Variants in PTPRT observed in about 807,000 individuals in gnomAD.
The protein encoded by PTPRT is receptor-type tyrosine-protein phosphatase T.
Under a neutral mutation model 176.8 loss-of-function variants are expected in PTPRT, and 56 were observed. The observed-to-expected ratio is 0.32, with a 90% CI of 0.26 to 0.40. The LOEUF is 0.40. Ranked by LOEUF, PTPRT falls within the 10% of genes least tolerant of loss-of-function variation. The pLI, the probability that PTPRT is intolerant of heterozygous loss-of-function variation, is 1.00. For missense variants in PTPRT, 1,540 were observed against 1,908.2 expected, an observed-to-expected ratio of 0.81 and a Z score of 3.60; for synonymous variants, 783 against 739.0, an observed-to-expected ratio of 1.06 and a Z score of -0.96.
chr20:42,401,278 C>T (rs1299686007), intron 9 of PTPRT, among the ~76,000 whole-genome samples: 1 of 152,100 alleles, frequency 6.6e-6, no homozygotes, highest in Non-Finnish European at 1.5e-5. Flanking sequence ...TCTCCACCAT[C>T]TCTTCTGAAT....
chr20:42,857,911 C>T (rs560635005), intron 2 of PTPRT, among the ~76,000 whole-genome samples: 1 of 152,084 alleles, frequency 6.6e-6, no homozygotes, highest in African/African-American at 2.4e-5. Flanking sequence ...GGAATGACAC[C>T]TGCCCCCTTT....
At chr20:42,055,037 GTAAC>G in the PTPRT span, among the ~76,000 whole-genome samples, 2 of 152,170 alleles carry the variant, frequency 1.3e-5, no homozygotes, top group Non-Finnish European at 2.9e-5. Context: ...GTATACATAT[GTAAC>G]TAACCTGCAC....
Position 42,315,756 on chromosome 20 carries a change from G to A in PTPRT, c.2106C>T (p.Ser702=), listed in dbSNP as rs758686657. 9 of 1,613,988 alleles carry A rather than the reference G, an allele frequency of 5.6e-6. No individual in the cohort carries two copies. Among genetic ancestry groups the A allele is most frequent in the Non-Finnish European group, 5.9e-6 (7 of 1,179,978 alleles). ...NPPLSPLKSY[S]IYFQALSKAN... ...CTTTGCTGAGTGCCTGGAAGTAGAT[G>A]CTGTAGCTTTTCAGGGGAGAGAGAG... Residue 702 remains serine (S), a synonymous_variant, in exon 12 of 31, where the codon AGC becomes AGT. Coordinates refer to ENST00000373187, the MANE Select transcript of PTPRT (RefSeq NM_007050.6).
At chr20:42,580,363 C>G (rs1422251603) in intron 7 of PTPRT, among the ~76,000 whole-genome samples, 5 of 151,962 alleles carry the variant, frequency 3.3e-5, no homozygotes, top group East Asian at 1.9e-4. Flanking sequence ...GTTCTTTTGG[C>G]TTAGGATTGA....
intron 9 of PTPRT, among the ~76,000 whole-genome samples, chr20:42,365,522 C>G (rs1001604332): frequency 6.6e-6 from 1 of 151,870 alleles, no homozygotes; most frequent in East Asian, 1.9e-4. Flanking sequence ...CTCTTGGGGT[C>G]GATGGCACCC....
At chr20:42,627,081 C>T (rs1010442986) in intron 7 of PTPRT, among the ~76,000 whole-genome samples, 1 of 152,158 alleles carries the variant, frequency 6.6e-6, no homozygotes, top group Admixed American at 6.5e-5. Context: ...GAAAGCAATG[C>T]CCGGGATGAC....
intron 7 of PTPRT, among the ~76,000 whole-genome samples, chr20:42,658,042 T>C (rs1184585679): frequency 1.3e-5 from 2 of 152,164 alleles, no homozygotes; most frequent in African/African-American, 4.8e-5. Flanking sequence ...TGTATGTCTC[T>C]ATCACTGACT....
chr20:42,106,946 T>TAA (rs1483649387), intron 23 of PTPRT, 25 bp from the exon 24 acceptor site: 1 of 1,608,242 alleles, frequency 6.2e-7, no homozygotes, highest in Non-Finnish European at 8.5e-7. Flanking sequence ...TGGTCTGTGT[T>TAA]AAGGATCTTC....
chr20:43,003,420 T>G (rs1984693502), intron 1 of PTPRT, among the ~76,000 whole-genome samples: 1 of 152,176 alleles, frequency 6.6e-6, no homozygotes, highest in South Asian at 2.1e-4. Flanking sequence ...CAGGCTGGTC[T>G]CTAACTCCTG....
intron 2 of PTPRT, among the ~76,000 whole-genome samples, chr20:42,839,145 G>T (rs1488998954): frequency 6.6e-6 from 1 of 152,070 alleles, no homozygotes; most frequent in Non-Finnish European, 1.5e-5. Context: ...GGCTCTTCTT[G>T]CATACCTCGT....
intron 1 of PTPRT, among the ~76,000 whole-genome samples, chr20:43,104,773 G>A (rs958246022): frequency 9.2e-5 from 14 of 152,140 alleles, no homozygotes; most frequent in African/African-American, 2.2e-4. Flanking sequence ...CAGACTCTTC[G>A]CAGAATTCAT....
At chr20:42,254,975 G>A (rs2056612707) in intron 13 of PTPRT, among the ~76,000 whole-genome samples, 1 of 152,060 alleles carries the variant, frequency 6.6e-6, no homozygotes, top group Non-Finnish European at 1.5e-5. Flanking sequence ...TTAGAGCCAT[G>A]AGACTCCCAT....
chr20:43,175,499 G>A (rs919652101), intron 1 of PTPRT, among the ~76,000 whole-genome samples: 1 of 152,044 alleles, frequency 6.6e-6, no homozygotes, highest in African/African-American at 2.4e-5. Context: ...TTGGAGCTGT[G>A]ACTGTGCCAC....
rs143332138 is a variant in PTPRT at position 42,518,810 on chromosome 20, A to C, written c.1154-46248T>G. Among the ~76,000 whole-genome samples, 699 of 152,264 alleles carry C rather than the reference A, an allele frequency of 4.6e-3. 4 individuals are homozygous for C. Among genetic ancestry groups the C allele is most frequent in the African/African-American group, 0.016 (667 of 41,564 alleles). On this transcript the variant is annotated intron_variant, in intron 7 of 30. Transcript: ENST00000373187. ...TTTATTAGCTTGAAAAACTAGCTTAATAATTTTCAGCCTTTTAAAAAATAA... is the reference window on the plus strand; with the variant it reads ...TTTATTAGCTTGAAAAACTAGCTTACTAATTTTCAGCCTTTTAAAAAATAA...
At chr20:42,170,176 A>G (rs904636394) in intron 16 of PTPRT, among the ~76,000 whole-genome samples, 21 of 152,192 alleles carry the variant, frequency 1.4e-4, no homozygotes, top group Admixed American at 7.9e-4. Flanking sequence ...AAGAGGATGA[A>G]GAGGAGAGCT....
intron 11 of PTPRT, among the ~76,000 whole-genome samples, chr20:42,347,157 G>T (rs1316546680): frequency 1.3e-5 from 2 of 152,214 alleles, no homozygotes; most frequent in Non-Finnish European, 2.9e-5. Flanking sequence ...AATGGAGATG[G>T]TATTTCCCAA....
chr20:42,732,861 A>G (rs2076482557), intron 6 of PTPRT, among the ~76,000 whole-genome samples: 1 of 152,202 alleles, frequency 6.6e-6, no homozygotes, highest in Non-Finnish European at 1.5e-5. Flanking sequence ...GGGAATGCAG[A>G]TGTTCATATT....
chr20:42,039,692 G>GTATATATATATATATATATATATATA, the PTPRT span, among the ~76,000 whole-genome samples: 1,652 of 112,964 alleles, frequency 0.015, 109 homozygotes, highest in East Asian at 0.026. Context: ...ATTCTGTTGT[G>GTATATATATATATATATATATATATA]TATATATATA....
At chr20:42,183,118 T>C (rs910985550) in intron 16 of PTPRT, among the ~76,000 whole-genome samples, 1 of 152,168 alleles carries the variant, frequency 6.6e-6, no homozygotes, top group Non-Finnish European at 1.5e-5. Context: ...TTCTACTTCT[T>C]AAAATCTATG....
Sources: allele counts gnomAD v4.1 joint callset (sites outside exome capture counted in the v4.1 genomes callset), GRCh38; gene constraint gnomAD v4.1.1; transcripts MANE v1.5; gene names NCBI Gene and HGNC (gene_info 2026-07-23, HGNC 2026-07-21).